Variants in SCN10A observed in about 807,000 individuals in gnomAD.
SCN10A encodes the protein sodium voltage-gated channel alpha subunit 10.
A neutral mutation model predicts 170.7 loss-of-function variants in SCN10A; 162 were observed. The observed-to-expected ratio is 0.95, with a 90% CI of 0.84 to 1.08. The LOEUF (loss-of-function observed/expected upper bound fraction) is 1.08, where lower values mean the gene tolerates loss of function less well. SCN10A is among the 50% of genes least tolerant of loss of function. The pLI is 0.00. For synonymous variants in SCN10A, 985 were observed against 904.6 expected (o/e 1.09, Z -1.59); for missense variants, 2,527 against 2,436.9 (o/e 1.04, Z -0.78).
At chr3:38,726,555 C>T (rs2063457043) in intron 17 of SCN10A, 51 bp downstream of exon 17, 1 of 1,447,442 alleles carries the variant, frequency 6.9e-7, no homozygotes, top group Non-Finnish European at 9.4e-7. Context: ...TCACTCAAGC[C>T]CTGAAGCCCC....
At position 38,792,116 on chromosome 3, in the gene SCN10A, C is replaced by T. The variant is rs141278729; in HGVS notation, c.323G>A (p.Arg108Gln). 1.6e-5 allele frequency: 26 copies of T among 1,613,690 alleles called. No individual in the cohort carries two copies. Among genetic ancestry groups the T allele is most frequent in the Middle Eastern group, 3.3e-4 (2 of 6,080 alleles). Residue 108 changes from arginine (R) to glutamine (Q), a missense_variant, in exon 3 of 28, where the codon CGG becomes CAG. Physicochemically the swap from Arg to Gln is conservative, Grantham distance 43 (BLOSUM62 1). Transcript: ENST00000449082. ...GRTISRFSAT[R>Q]ALWLFSPFNL... is the part of the protein sequence containing the mutation. ...GAAAGGACTGAATAGCCACAGGGCC[C>T]GAGTGGCACTAAACCGGGAAATGGT...
intron 4 of SCN10A, among the ~76,000 whole-genome samples, chr3:38,775,659 A>G (rs916852678): frequency 2.0e-5 from 3 of 152,192 alleles, no homozygotes; most frequent in Non-Finnish European, 4.4e-5. Context: ...CCATATATAT[A>G]GTGAAGATAT....
intron 27 of SCN10A, among the ~76,000 whole-genome samples, chr3:38,699,895 G>GT (rs961577242): frequency 2.6e-5 from 4 of 152,092 alleles, no homozygotes; most frequent in Admixed American, 6.6e-5. Flanking sequence ...TGATATGTGG[G>GT]TTTTTTCTGC....
intron 12 of SCN10A, among the ~76,000 whole-genome samples, chr3:38,750,638 C>T (rs1167494101): frequency 6.6e-6 from 1 of 152,102 alleles, no homozygotes; most frequent in Non-Finnish European, 1.5e-5. Context: ...AACCTTTTTA[C>T]AAGGGGAGAT....
At chr3:38,719,174 C>T (rs993840721) in intron 20 of SCN10A, among the ~76,000 whole-genome samples, 5 of 152,126 alleles carry the variant, frequency 3.3e-5, no homozygotes, top group Non-Finnish European at 5.9e-5. Context: ...AAAGCATCAA[C>T]GGATGTTCAC....
At chr3:38,722,033 C>T (rs898958005) in intron 20 of SCN10A, among the ~76,000 whole-genome samples, 2 of 152,248 alleles carry the variant, frequency 1.3e-5, no homozygotes, top group Admixed American at 1.3e-4. Flanking sequence ...CACTCAAATG[C>T]TTGCAGCCAG....
At chr3:38,771,686 C>A (rs560051435) in intron 4 of SCN10A, among the ~76,000 whole-genome samples, 1 of 152,156 alleles carries the variant, frequency 6.6e-6, no homozygotes, top group Non-Finnish European at 1.5e-5. Flanking sequence ...AGGGCAGTAG[C>A]GGGTGAAGAG....
intron 24 of SCN10A, 56 bp from the exon 25 acceptor site, chr3:38,709,671 C>G: frequency 2.7e-6 from 4 of 1,465,454 alleles, no homozygotes; most frequent in Non-Finnish European, 3.6e-6. Flanking sequence ...TTCAGGTTCA[C>G]TCTGAAAGCC....
intron 26 of SCN10A, among the ~76,000 whole-genome samples, chr3:38,705,005 G>A (rs2063194855): frequency 6.6e-6 from 1 of 152,244 alleles, no homozygotes; most frequent in Non-Finnish European, 1.5e-5. Context: ...GAGGGAAGAT[G>A]ATCCGGCTTG....
At chr3:38,787,527 C>T (rs1267292707) in intron 4 of SCN10A, among the ~76,000 whole-genome samples, 2 of 151,620 alleles carry the variant, frequency 1.3e-5, no homozygotes, top group African/African-American at 4.8e-5. Flanking sequence ...GCTGAGACCT[C>T]CTTTACAAAG....
At chr3:38,709,716 A>T (rs556959343) in intron 24 of SCN10A, 101 bp from the exon 25 acceptor site, 1 of 1,069,146 alleles carries the variant, frequency 9.4e-7, no homozygotes, top group Non-Finnish European at 1.3e-6. Context: ...CAGGTGATTT[A>T]TCTGGGAGGT....
chr3:38,796,340 C>G (rs2126063147), intron 1 of SCN10A, among the ~76,000 whole-genome samples: 1 of 152,240 alleles, frequency 6.6e-6, no homozygotes. Context: ...CTTCATATCT[C>G]TCTAACCTCT....
chr3:38,769,769 C>T (rs2063977623), intron 5 of SCN10A, among the ~76,000 whole-genome samples: 1 of 152,162 alleles, frequency 6.6e-6, no homozygotes, highest in South Asian at 2.1e-4. Flanking sequence ...ATGTGGTGCT[C>T]TCCCCAATCC....
intron 4 of SCN10A, among the ~76,000 whole-genome samples, chr3:38,774,735 C>A (rs2064050769): frequency 6.6e-6 from 1 of 152,140 alleles, no homozygotes; most frequent in African/African-American, 2.4e-5. Context: ...ATTTTTAAAA[C>A]TCTGTGTAAG....
At chr3:38,746,100 T>TATATATG (rs71085336) in intron 13 of SCN10A, among the ~76,000 whole-genome samples, 6 of 99,820 alleles carry the variant, frequency 6.0e-5, no homozygotes, top group Non-Finnish European at 1.2e-4. Context: ...TATATATATA[T>TATATATG]GCCATCTTTG....
chr3:38,809,901 G>A (rs765039027), intron 1 of SCN10A, among the ~76,000 whole-genome samples: 3 of 152,214 alleles, frequency 2.0e-5, no homozygotes, highest in Non-Finnish European at 2.9e-5. Flanking sequence ...ATTAAAGAAG[G>A]GATGGATCAA....
At position 38,793,764 on chromosome 3, in the gene SCN10A, C is replaced by T. The variant is rs2064315255; in HGVS notation, c.247G>A (p.Asp83Asn). 1.2e-6 allele frequency: 2 copies of T among 1,613,932 alleles called. No individual in the cohort carries two copies. The highest frequency in any genetic ancestry group is 2.2e-5 in the East Asian group (1 of 44,868). ...ELIGEPLEDL[D>N]PFYSTHRTFM... is the part of the protein sequence containing the mutation. Reference sequence around the variant, plus strand: ...ACCCGGTGTGTGCTGTAGAACGGATCTAGATCCTCCAGGGGCTCCCCGATC... The same window carrying T: ...ACCCGGTGTGTGCTGTAGAACGGATTTAGATCCTCCAGGGGCTCCCCGATC... Residue 83 changes from aspartate (D) to asparagine (N), a missense_variant, in exon 2 of 28, where the codon GAT (aspartate) becomes AAT (asparagine). By Grantham distance (23) the Asp-to-Asn change is conservative. Coordinates refer to ENST00000449082, the MANE Select transcript of SCN10A (RefSeq NM_006514.4).
chr3:38,725,870 G>C (rs1469142877), intron 17 of SCN10A, among the ~76,000 whole-genome samples: 1 of 152,228 alleles, frequency 6.6e-6, no homozygotes, highest in African/African-American at 2.4e-5. Flanking sequence ...AACAGCAGCT[G>C]CTGGAACACA....
At chr3:38,767,654 C>T (rs1417342763) in intron 5 of SCN10A, among the ~76,000 whole-genome samples, 2 of 152,074 alleles carry the variant, frequency 1.3e-5, no homozygotes, top group South Asian at 2.1e-4. Context: ...GTTATGTTAT[C>T]TATCACGTGG....
Sources: allele counts gnomAD v4.1 joint callset (sites outside exome capture counted in the v4.1 genomes callset), GRCh38; gene constraint gnomAD v4.1.1; transcripts MANE v1.5; gene names NCBI Gene and HGNC (gene_info 2026-07-23, HGNC 2026-07-21).